The following ABLIM2 variants were observed in gnomAD, a reference collection of about 807,000 sequenced individuals.
The protein encoded by ABLIM2 is actin binding LIM protein family member 2.
In ABLIM2, 53 loss-of-function variants were observed where a neutral mutation model predicts 97.7. The ratio of observed to expected loss-of-function variants is 0.54; its 90% CI spans 0.44 to 0.68. The LOEUF is 0.68. ABLIM2 is among the 30% of genes least tolerant of loss of function. The pLI, the probability that ABLIM2 is intolerant of heterozygous loss-of-function variation, is 0.00. For synonymous variants in ABLIM2, 361 were observed against 345.8 expected (o/e 1.04, Z -0.49); for missense variants, 835 against 867.2 (o/e 0.96, Z 0.47).
At chr4:7,982,259 C>G (rs1375772845) in intron 20 of ABLIM2, among the ~76,000 whole-genome samples, 2 of 152,270 alleles carry the variant, frequency 1.3e-5, no homozygotes, top group Non-Finnish European at 2.9e-5. Flanking sequence ...AGCCTGGCAG[C>G]TGGCCCTGTG....
At chr4:7,971,833 C>G (rs115113013) in intron 20 of ABLIM2, among the ~76,000 whole-genome samples, 1,761 of 152,296 alleles carry the variant, frequency 0.012, 39 homozygotes, top group African/African-American at 0.04. Context: ...ACACAGCCCA[C>G]CAGTCACAGC....
intron 20 of ABLIM2, among the ~76,000 whole-genome samples, chr4:7,972,356 C>T (rs750558876): frequency 7.2e-5 from 11 of 152,322 alleles, no homozygotes; most frequent in Middle Eastern, 3.4e-3. Context: ...AGCAGCTCTT[C>T]GTCATCCTAC....
Position 8,150,839 on chromosome 4 carries a change from C to A in ABLIM2, c.10+7841G>T, listed in dbSNP as rs932312193. Among the ~76,000 whole-genome samples the A allele has an allele frequency of 6.6e-6, 1 of 152,044 alleles. No individual in the cohort carries two copies. The highest frequency in any genetic ancestry group is 1.5e-5 in the Non-Finnish European group (1 of 68,004). On this transcript the variant is annotated intron_variant, in intron 1 of 20. Transcript: ENST00000447017. This position sits in a 1 kb window ranked among gnomAD's most constrained non-coding sequence, Gnocchi z 6.3. ...GGGGCTGGCAGGGGAGACAGCAGGA[C>A]CAGAGAAGGGGAGGGGAAGCTATGA...
chr4:7,975,881 T>C (rs771311683), intron 20 of ABLIM2, among the ~76,000 whole-genome samples: 75 of 152,282 alleles, frequency 4.9e-4, no homozygotes, highest in South Asian at 2.1e-3. Flanking sequence ...AATGCCCGAC[T>C]TCAGAGGGCC....
rs1762225087 is a variant in ABLIM2 at position 8,007,503 on chromosome 4, C to A, written c.1618+556G>T. On this transcript the variant is annotated intron_variant, in intron 16 of 20. Coordinates refer to ENST00000447017, the MANE Select transcript of ABLIM2 (RefSeq NM_001130083.2). ...ACCTATGATTTACAGCGGCCGGAAG[C>A]AAACAGCATTATCTGGAGTTTTCTC... 14 of 985,570 alleles carry A rather than the reference C, an allele frequency of 1.4e-5. 1 individual carries two copies. In the Middle Eastern group the frequency reaches 2.6e-3, roughly 184 times the overall value. The allele number at this position is 985,570 out of a possible 1,614,324, so 61.1% of individuals were successfully genotyped here. A position where few individuals can be genotyped will look rare whatever the true frequency, so the allele number is the denominator to read the frequency against.
chr4:8,091,215 C>T (rs1422601067), intron 3 of ABLIM2, among the ~76,000 whole-genome samples: 4 of 137,078 alleles, frequency 2.9e-5, no homozygotes, highest in Non-Finnish European at 6.1e-5. Context: ...TTTGCATACC[C>T]CTGTGACTAA....
chr4:7,971,489 G>A (rs970872414), intron 20 of ABLIM2, among the ~76,000 whole-genome samples: 2 of 152,174 alleles, frequency 1.3e-5, no homozygotes, highest in South Asian at 2.1e-4. Context: ...ATGGCAGGGG[G>A]ACTGCCTCAG....
rs1847366582 is a variant in ABLIM2 at position 8,125,318 on chromosome 4, G to A, written c.11-18681C>T. On this transcript the variant is annotated intron_variant, in intron 1 of 20. Transcript: ENST00000447017. This position sits in a 1 kb window ranked among gnomAD's most constrained non-coding sequence, Gnocchi z 6.2. Reference sequence around the variant, plus strand: ...CCGTCATGAAGATGCGCTTCTGAGTGTTCTTCTAAGAGATTTACGGGTTTT... The same window carrying A: ...CCGTCATGAAGATGCGCTTCTGAGTATTCTTCTAAGAGATTTACGGGTTTT... Among the ~76,000 whole-genome samples the A allele has an allele frequency of 6.6e-6, 1 of 152,184 alleles. No homozygotes were observed.
At chr4:8,079,771 T>C (rs1392071530) in intron 5 of ABLIM2, among the ~76,000 whole-genome samples, 1 of 152,196 alleles carries the variant, frequency 6.6e-6, no homozygotes, top group Non-Finnish European at 1.5e-5. Flanking sequence ...CGTGTGTGTG[T>C]GTGTGCGCGC....
At position 7,996,718 on chromosome 4, in the gene ABLIM2, GAGA is replaced by G. The variant is rs1753568799; in HGVS notation, c.1619-3794_1619-3792del. Among the ~76,000 whole-genome samples the G allele has an allele frequency of 6.6e-6, 1 of 152,102 alleles. No homozygotes were observed. On this transcript the variant is annotated intron_variant, in intron 16 of 20. Coordinates refer to ENST00000447017, the MANE Select transcript of ABLIM2 (RefSeq NM_001130083.2). This position sits in a 1 kb window ranked among gnomAD's most constrained non-coding sequence, Gnocchi z 4.5. ...TCTATTATCATTTCCTTTCTGTTTG[GAGA>G]AGATTCCTTACGGGTAGCTCTGCAG...
At chr4:8,079,396 C>T (rs537670608) in intron 5 of ABLIM2, among the ~76,000 whole-genome samples, 79 of 152,310 alleles carry the variant, frequency 5.2e-4, no homozygotes, top group African/African-American at 1.8e-3. Context: ...AGGGGCCTGC[C>T]GCCTGCACGG....
chr4:8,114,647 C>T (rs370359338), intron 1 of ABLIM2, among the ~76,000 whole-genome samples: 120 of 152,322 alleles, frequency 7.9e-4, no homozygotes, highest in African/African-American at 2.7e-3. Flanking sequence ...GCCCCATTCT[C>T]ACCACGGCCA....
At chr4:8,011,076 G>A (rs10023553) in intron 14 of ABLIM2, among the ~76,000 whole-genome samples, 2 of 151,998 alleles carry the variant, frequency 1.3e-5, no homozygotes, top group African/African-American at 2.4e-5. Flanking sequence ...CAATTAAGTC[G>A]TCGCTCCAGC....
At chr4:8,134,253 C>G (rs1170490703) in intron 1 of ABLIM2, among the ~76,000 whole-genome samples, 4 of 152,184 alleles carry the variant, frequency 2.6e-5, no homozygotes, top group African/African-American at 9.7e-5. Flanking sequence ...CAGGCAGCCC[C>G]AGGGCAGGGT....
rs1809601971 is a variant in ABLIM2, at chr4:8,068,565, G to A, written c.676-7511C>T. 6.6e-6 allele frequency among the ~76,000 whole-genome samples: 1 copy of A among 152,208 alleles called. No individual in the cohort carries two copies. The highest frequency in any genetic ancestry group is 2.4e-5 in the African/African-American group (1 of 41,432). On this transcript the variant is annotated intron_variant, in intron 6 of 20. Transcript: ENST00000447017. The surrounding 1 kb of genome is among the most constrained non-coding windows in gnomAD (Gnocchi z 4.5). ...CTTTGGGCTTCTGGAGAATGGATCA[G>A]CCCTCTCTGCCATGAGCCCCTCACA... is the stretch of plus-strand genomic sequence containing the variant.
Position 8,046,387 on chromosome 4 carries a change from T to C in ABLIM2, c.823-1146A>G, listed in dbSNP as rs1792447882. On this transcript the variant is annotated intron_variant, in intron 8 of 20. Coordinates refer to ENST00000447017, the MANE Select transcript of ABLIM2 (RefSeq NM_001130083.2). This position sits in a 1 kb window ranked among gnomAD's most constrained non-coding sequence, Gnocchi z 4.4. Reference sequence around the variant, plus strand: ...ACCCCTCTCCTGGTTCAGCCCTCACTCCTGGGCCACCTGCCTGGCCTTCCC... The same window carrying C: ...ACCCCTCTCCTGGTTCAGCCCTCACCCCTGGGCCACCTGCCTGGCCTTCCC... Among the ~76,000 whole-genome samples, 2 of 151,972 alleles carry C rather than the reference T, an allele frequency of 1.3e-5. No individual in the cohort carries two copies. Among genetic ancestry groups the C allele is most frequent in the Admixed American group, 1.3e-4 (2 of 15,248 alleles).
rs1762593704 is a variant in ABLIM2, at chr4:8,008,137, C to A, written c.1540G>T (p.Asp514Tyr). 2 of 1,613,896 alleles carry A rather than the reference C, an allele frequency of 1.2e-6. No homozygotes were observed. The highest frequency in any genetic ancestry group is 2.7e-5 in the African/African-American group (2 of 74,934). Residue 514 changes from aspartate to tyrosine, a missense_variant, in exon 16 of 21, where the codon GAC becomes TAC. Asp to Tyr is a radical substitution (Grantham distance 160, BLOSUM62 -3). Transcript: ENST00000447017. ...CTGCTGTGGGACAAGGACTGGGTGT[C>A]CAGGTCTGGAGAATTGGTCCTTGTG... ...ADTRTNSPDL[D>Y]TQSLSHSSGT...
Position 8,069,065 on chromosome 4 carries a change from C to T in ABLIM2, c.676-8011G>A, listed in dbSNP as rs933747135. 1.3e-5 allele frequency among the ~76,000 whole-genome samples: 2 copies of T among 152,248 alleles called. No homozygotes were observed. Among genetic ancestry groups the T allele is most frequent in the Non-Finnish European group, 2.9e-5 (2 of 68,050 alleles). On this transcript the variant is annotated intron_variant, in intron 6 of 20. Transcript: ENST00000447017. The surrounding 1 kb of genome is among the most constrained non-coding windows in gnomAD (Gnocchi z 4.2). ...GGGCCCTCCCCAGACCTTCCACACC[C>T]TCTGGAACACAGCTCCTCTTGGCCC...
chr4:7,975,089 A>G (rs1028011814), intron 20 of ABLIM2, among the ~76,000 whole-genome samples: 4 of 152,040 alleles, frequency 2.6e-5, no homozygotes, highest in Non-Finnish European at 5.9e-5. Context: ...GTGGTGGCAC[A>G]TGCCTGTAGT....
Sources: allele counts gnomAD v4.1 joint callset (sites outside exome capture counted in the v4.1 genomes callset), GRCh38; gene constraint gnomAD v4.1.1; non-coding constraint Gnocchi (gnomAD v3.1); transcripts MANE v1.5; gene names NCBI Gene and HGNC (gene_info 2026-07-23, HGNC 2026-07-21).